Variants in SELENOI observed in about 807,000 individuals in gnomAD.
SELENOI encodes ethanolaminephosphotransferase 1.
In SELENOI, 24 loss-of-function variants were observed where a neutral mutation model predicts 50.7. The ratio of observed to expected loss-of-function variants is 0.47; its 90% CI spans 0.34 to 0.67. SELENOI has a LOEUF of 0.67. Ranked by LOEUF, SELENOI falls within the 30% of genes least tolerant of loss-of-function variation. The pLI, the probability that SELENOI is intolerant of heterozygous loss-of-function variation, is 0.01. For missense variants in SELENOI, 352 were observed against 461.4 expected (o/e 0.76, Z 2.17); for synonymous variants, 155 against 170.2 (o/e 0.91, Z 0.70).
chr2:26,394,042 A>T lies in SELENOI; in HGVS notation c.*4939A>T, dbSNP rs1017059302. On this transcript the variant is annotated 3_prime_UTR_variant, in exon 10 of 10. Coordinates refer to ENST00000260585, the MANE Select transcript of SELENOI (RefSeq NM_033505.4). The surrounding 1 kb of genome is among the most constrained non-coding windows in gnomAD (Gnocchi z 4.1). ...TTCTTGACCTGGAACATATATAGTT[A>T]GTACTTGATGTCACTAACCAAGTTG... The T allele has an allele frequency of 1.6e-4, 24 of 152,380 alleles. No homozygotes were observed. Among genetic ancestry groups the T allele is most frequent in the African/African-American group, 5.8e-4 (24 of 41,594 alleles). The allele number at this position is 152,380 out of a possible 1,614,324, so 9.4% of individuals were successfully genotyped here. A position where few individuals can be genotyped will look rare whatever the true frequency, so the allele number is the denominator to read the frequency against.
At position 26,395,636 on chromosome 2, in the gene SELENOI, G is replaced by GC; in HGVS notation, c.*6535dup. 6.5e-6 allele frequency: 1 copy of GC among 152,736 alleles called. No individual in the cohort carries two copies. Among genetic ancestry groups the GC allele is most frequent in the South Asian group, 2.1e-4 (1 of 4,832 alleles). 9.5% of individuals were successfully genotyped at this position (152,736 alleles called of 1,614,324 possible). Reference sequence around the variant, plus strand: ...ATAATGTGATGTACAAAGAGAGTATGCCGATGCATTTCATTGTTTTTGCAT... The same window carrying GC: ...ATAATGTGATGTACAAAGAGAGTATGCCCGATGCATTTCATTGTTTTTGCAT... On this transcript the variant is annotated 3_prime_UTR_variant, in exon 10 of 10. Coordinates refer to ENST00000260585, the MANE Select transcript of SELENOI (RefSeq NM_033505.4).
In SELENOI at chr2:26,349,932, C is replaced by CAAAA. The variant is rs70950184; in HGVS notation, c.57+3667_57+3670dup. Among the ~76,000 whole-genome samples the CAAAA allele has an allele frequency of 8.2e-3, 451 of 55,286 alleles. 16 individuals carry two copies. Among genetic ancestry groups the CAAAA allele is most frequent in the African/African-American group, 0.034 (414 of 12,054 alleles). The allele number at this position is 55,286 out of a possible 152,430, so 36.3% of individuals were successfully genotyped here. ...GCAACATAGTGAGACCTCATCTCCA[C>CAAAA]AAAAAAAAAAAAAAAAAAAAAAAAA... is the stretch of plus-strand genomic sequence containing the variant. On this transcript the variant is annotated intron_variant, in intron 1 of 9. Coordinates refer to ENST00000260585, the MANE Select transcript of SELENOI (RefSeq NM_033505.4).
chr2:26,372,426 T>G (rs1263266230), intron 4 of SELENOI, among the ~76,000 whole-genome samples: 2 of 152,128 alleles, frequency 1.3e-5, no homozygotes, highest in Non-Finnish European at 2.9e-5. Context: ...CTTTCTCAAT[T>G]GTAAATTCTC....
chr2:26,366,048 G>T (rs1044960430), intron 3 of SELENOI, among the ~76,000 whole-genome samples: 1 of 152,080 alleles, frequency 6.6e-6, no homozygotes, highest in Non-Finnish European at 1.5e-5. Flanking sequence ...TGATCCACCC[G>T]CCTTGGCCTC....
chr2:26,386,994 T>A (rs879259877), intron 9 of SELENOI, among the ~76,000 whole-genome samples: 3 of 152,226 alleles, frequency 2.0e-5, no homozygotes, highest in Non-Finnish European at 2.9e-5. Context: ...TCCCTCCCAC[T>A]GCCCAGTTTG....
chr2:26,350,982 T>C (rs1444185250), intron 1 of SELENOI, among the ~76,000 whole-genome samples: 1 of 152,106 alleles, frequency 6.6e-6, no homozygotes, highest in African/African-American at 2.4e-5. Flanking sequence ...TCAGAACACT[T>C]AGATTAATTC....
chr2:26,366,561 A>G (rs1677290803), intron 3 of SELENOI, among the ~76,000 whole-genome samples: 2 of 152,212 alleles, frequency 1.3e-5, no homozygotes, highest in South Asian at 2.1e-4. Context: ...TAAATGATAC[A>G]TTCAAGGTTA....
intron 5 of SELENOI, among the ~76,000 whole-genome samples, chr2:26,374,816 C>T (rs1444555321): frequency 6.6e-6 from 1 of 152,046 alleles, no homozygotes; most frequent in Non-Finnish European, 1.5e-5. Flanking sequence ...GTGATCTGCC[C>T]GTCTTGGCCT....
chr2:26,387,461 C>T (rs969908315), intron 9 of SELENOI, among the ~76,000 whole-genome samples: 5 of 151,714 alleles, frequency 3.3e-5, no homozygotes, highest in South Asian at 2.1e-4. Context: ...GAGGCTGAGG[C>T]GGGTGGATCG....
rs985999877 is a variant in SELENOI, at chr2:26,393,914, A to T, written c.*4811A>T. 1 of 152,266 alleles carries T rather than the reference A, an allele frequency of 6.6e-6. No homozygotes were observed. Among genetic ancestry groups the T allele is most frequent in the African/African-American group, 2.4e-5 (1 of 41,472 alleles). 9.4% of individuals were successfully genotyped at this position (152,266 alleles called of 1,614,324 possible). Reference sequence around the variant, plus strand: ...GGAGTTTCTATGGGTAGCAATTAAAATTAGAATTTATTTTAAGGTTTTTAT... The same window carrying T: ...GGAGTTTCTATGGGTAGCAATTAAATTTAGAATTTATTTTAAGGTTTTTAT... On this transcript the variant is annotated 3_prime_UTR_variant, in exon 10 of 10. Coordinates refer to ENST00000260585, the MANE Select transcript of SELENOI (RefSeq NM_033505.4).
At chr2:26,371,296 A>T (rs1366947180) in intron 4 of SELENOI, among the ~76,000 whole-genome samples, 11 of 143,614 alleles carry the variant, frequency 7.7e-5, no homozygotes, top group Admixed American at 1.4e-4. Context: ...CACCTCCCAG[A>T]CGGGGTGGCG....
In SELENOI at chr2:26,373,485, C is replaced by T. The variant is rs761839915; in HGVS notation, c.429C>T (p.Ile143=). 3 of 1,613,966 alleles carry T rather than the reference C, an allele frequency of 1.9e-6. No individual in the cohort carries two copies. The South Asian group carries it at 3.3e-5, about 18-fold the overall frequency. The change falls in exon 5 of 10, where the codon ATC becomes ATT. Residue 143 remains isoleucine (I), a synonymous_variant. Transcript: ENST00000260585. ...CVYFVVTVYS[I]FGRGSTGVSV... ...ACTTTGTTGTGACTGTTTATTCCAT[C>T]TTTGGAAGAGGATCAACTGGTGTCA...
intron 4 of SELENOI, among the ~76,000 whole-genome samples, chr2:26,370,344 A>G (rs917705098): frequency 1.3e-4 from 19 of 151,432 alleles, no homozygotes; most frequent in African/African-American, 4.4e-4. Flanking sequence ...CGCCATTGTC[A>G]TCCTGGCCCG....
At chr2:26,369,424 C>T (rs941091469) in intron 4 of SELENOI, among the ~76,000 whole-genome samples, 2 of 152,176 alleles carry the variant, frequency 1.3e-5, no homozygotes, top group African/African-American at 4.8e-5. Context: ...ATTCTGACTT[C>T]TTTTTTTCTA....
At chr2:26,365,941 A>G (rs930791622) in intron 3 of SELENOI, among the ~76,000 whole-genome samples, 2 of 151,884 alleles carry the variant, frequency 1.3e-5, no homozygotes, top group African/African-American at 4.8e-5. Context: ...AGCTGGGACT[A>G]CAGGCGTGTA....
At chr2:26,375,801 T>A (rs767961489) in intron 6 of SELENOI, among the ~76,000 whole-genome samples, 16 of 152,206 alleles carry the variant, frequency 1.1e-4, no homozygotes, top group Non-Finnish European at 2.2e-4. Flanking sequence ...ATGTCCTGTA[T>A]TCTGTTCTCT....
intron 8 of SELENOI, 50 bp downstream of exon 8, chr2:26,385,189 CAG>C (rs1677813532): frequency 9.3e-7 from 1 of 1,075,094 alleles, no homozygotes. Flanking sequence ...GATTGTATGA[CAG>C]AATTTGATAA....
At chr2:26,388,867 T>C in intron 9 of SELENOI, 138 bp from the exon 10 acceptor site, 1 of 673,556 alleles carries the variant, frequency 1.5e-6, no homozygotes, top group Non-Finnish European at 2.6e-6. Flanking sequence ...GCTATCCTAA[T>C]CCAGAAAAAC....
Position 26,389,071 on chromosome 2 carries a change from C to T in SELENOI, c.1162C>T (p.Leu388=), listed in dbSNP as rs1288258871. The T allele has an allele frequency of 3.2e-6, 5 of 1,585,178 alleles. No individual in the cohort carries two copies. The East Asian group carries it at 1.1e-4, about 36-fold the overall frequency. The change falls in exon 10 of 10, where the codon CTA becomes TTA. Residue 388 remains leucine, a synonymous_variant. Coordinates refer to ENST00000260585, the MANE Select transcript of SELENOI (RefSeq NM_033505.4). ...ATTGAGGAAACCAAACTCAGATTGA[C>T]TAGGAATGGAAGAAAAGAATATTGG... is the stretch of plus-strand genomic sequence containing the variant. ...FSLRKPNSDU[L]GMEEKNIGL
Sources: gnomAD v4.1 joint callset for allele counts (sites outside exome capture counted in the v4.1 genomes callset) on GRCh38, gnomAD v4.1.1 for gene constraint, Gnocchi (gnomAD v3.1) non-coding constraint, MANE v1.5 for transcripts, NCBI Gene and HGNC (gene_info 2026-07-23, HGNC 2026-07-21) for gene names.